Variants in SLC25A19 observed in about 807,000 individuals in gnomAD.
SLC25A19 encodes solute carrier family 25 member 19, also known as mitochondrial thiamine pyrophosphate carrier.
In SLC25A19, 18 loss-of-function variants were observed where a neutral mutation model predicts 27.9. The ratio of observed to expected loss-of-function variants is 0.64; its 90% CI spans 0.45 to 0.96. SLC25A19 has a LOEUF of 0.96. SLC25A19 is among the 40% of genes least tolerant of loss of function. SLC25A19 has a pLI of 0.00. For synonymous variants in SLC25A19, 169 were observed against 167.1 expected, an observed-to-expected ratio of 1.01 and a Z score of -0.09; for missense variants, 371 against 418.3, an observed-to-expected ratio of 0.89 and a Z score of 0.99.
intron 4 of SLC25A19, among the ~76,000 whole-genome samples, chr17:75,284,358 G>A (rs2078131001): frequency 6.6e-6 from 1 of 152,150 alleles, no homozygotes; most frequent in Non-Finnish European, 1.5e-5. Context: ...AGCTGAGATT[G>A]CGCCACTGCA....
intron 5 of SLC25A19, among the ~76,000 whole-genome samples, chr17:75,279,798 C>T (rs112397028): frequency 0.058 from 8,764 of 152,200 alleles, 315 homozygotes; most frequent in Middle Eastern, 0.13. Context: ...AGAGCCATCG[C>T]GCCCAGCCCA....
chr17:75,277,430 G>C lies in SLC25A19; in HGVS notation c.697C>G (p.Leu233Val). The change falls in exon 7 of 8, where the codon CTG becomes GTG. Residue 233 changes from leucine (L) to valine (V), a missense_variant. Coordinates refer to ENST00000416858, the MANE Select transcript of SLC25A19 (RefSeq NM_001126121.2). ...GSGAGVISKT[L>V]TYPLDLFKKR... Reference sequence around the variant, plus strand: ...TTGAAGAGGTCCAGCGGATATGTCAGGGTCTTGCTGATGACACCAGCTCCA... The same window carrying C: ...TTGAAGAGGTCCAGCGGATATGTCACGGTCTTGCTGATGACACCAGCTCCA... 1.2e-6 allele frequency: 2 copies of C among 1,614,120 alleles called. No homozygotes were observed. The highest frequency in any genetic ancestry group is 1.7e-6 in the Non-Finnish European group (2 of 1,180,020).
chr17:75,278,429 G>A (rs2077952599), intron 5 of SLC25A19, 94 bp from the exon 6 acceptor site: 1 of 1,392,774 alleles, frequency 7.2e-7, no homozygotes. Flanking sequence ...TAAAATACCA[G>A]CTACCAGGAG....
chr17:75,283,554 C>T lies in SLC25A19; in HGVS notation c.328G>A (p.Gly110Ser). The change falls in exon 5 of 8, where the codon GGC becomes AGC. Residue 110 changes from glycine to serine, a missense_variant. Transcript: ENST00000416858. ...FEMLTELVHRGSVYDAREFSV... is the reference protein window; with the variant it reads ...FEMLTELVHRSSVYDAREFSV... ...AATTCCCGGGCGTCATACACGCTGC[C>T]TCTGTGGACCAGCTCCGTCAGCATT... The T allele has an allele frequency of 1.9e-6, 3 of 1,613,734 alleles. No individual in the cohort carries two copies. The highest frequency in any genetic ancestry group is 2.5e-6 in the Non-Finnish European group (3 of 1,179,856).
intron 7 of SLC25A19, chr17:75,273,877 C>T (rs1421849192): frequency 8.9e-6 from 4 of 447,504 alleles, no homozygotes; most frequent in East Asian, 9.6e-5. Flanking sequence ...TCTCCTGCCT[C>T]AGCCTCCTGA....
intron 4 of SLC25A19, 38 bp downstream of exon 4, chr17:75,286,266 G>A (rs762104223): frequency 3.5e-5 from 57 of 1,610,088 alleles, no homozygotes; most frequent in East Asian, 1.1e-4. Context: ...ACTGAGCAAC[G>A]TGACCCCAGA....
At chr17:75,286,141 C>T (rs1011142995) in intron 4 of SLC25A19, among the ~76,000 whole-genome samples, 163 bp downstream of exon 4, 3 of 152,222 alleles carry the variant, frequency 2.0e-5, no homozygotes, top group African/African-American at 4.8e-5. Flanking sequence ...GCAATGCCTA[C>T]GGTACTGCTG....
intron 1 of SLC25A19, among the ~76,000 whole-genome samples, chr17:75,288,856 G>C (rs2145792977): frequency 6.6e-6 from 1 of 152,162 alleles, no homozygotes; most frequent in Admixed American, 6.5e-5. Context: ...GTTTAAACAC[G>C]CGGCAAGCGA....
chr17:75,281,950 C>T (rs1434141161), intron 5 of SLC25A19, among the ~76,000 whole-genome samples: 1 of 152,198 alleles, frequency 6.6e-6, no homozygotes, highest in African/African-American at 2.4e-5. Context: ...CCGAACCTCT[C>T]CCAGCTTTGC....
chr17:75,284,340 T>G (rs1438396109), intron 4 of SLC25A19, among the ~76,000 whole-genome samples: 7 of 151,988 alleles, frequency 4.6e-5, no homozygotes, highest in Non-Finnish European at 1.5e-5. Context: ...GAGGCGGAGG[T>G]TGCAGTGAGC....
intron 6 of SLC25A19, 125 bp downstream of exon 6, chr17:75,278,027 G>A (rs541248647): frequency 8.0e-6 from 8 of 1,000,428 alleles, no homozygotes; most frequent in Non-Finnish European, 1.2e-5. Context: ...CCACATTACA[G>A]AGCCAGGTAC....
chr17:75,286,227 T>C (rs2078177110), intron 4 of SLC25A19, 77 bp downstream of exon 4: 1 of 1,573,004 alleles, frequency 6.4e-7, no homozygotes, highest in Non-Finnish European at 8.7e-7. Context: ...GCGGCATTCC[T>C]GCTTGCCTCA....
chr17:75,285,073 C>T (rs1396394256), intron 4 of SLC25A19, among the ~76,000 whole-genome samples: 4 of 151,748 alleles, frequency 2.6e-5, no homozygotes, highest in African/African-American at 9.7e-5. Context: ...GCTGGGACGA[C>T]AGGTGTGTAC....
chr17:75,279,582 C>A (rs1221121847), intron 5 of SLC25A19, among the ~76,000 whole-genome samples: 1 of 147,644 alleles, frequency 6.8e-6, no homozygotes. Flanking sequence ...AATCTTGGCT[C>A]ACTGCAGCCC....
rs2078194784 is a variant in SLC25A19 at position 75,286,809 on chromosome 17, G to C, written c.-38-7C>G. The C allele has an allele frequency of 5.6e-6, 9 of 1,612,978 alleles. No individual in the cohort carries two copies. The highest frequency in any genetic ancestry group is 7.6e-6 in the Non-Finnish European group (9 of 1,179,374). The stretch of plus-strand genomic sequence containing the variant: ...AATGTCCATCAGTATCAAGCTAAAT[G>C]CAAGAGATACGGAATAAACACCAGG... On this transcript the variant is annotated splice_polypyrimidine_tract_variant and splice_region_variant and intron_variant, in intron 2 of 7. Transcript: ENST00000416858.
At chr17:75,274,145 T>G (rs2077800870) in intron 7 of SLC25A19, among the ~76,000 whole-genome samples, 1 of 152,204 alleles carries the variant, frequency 6.6e-6, no homozygotes, top group Non-Finnish European at 1.5e-5. Flanking sequence ...AATCAGAAGC[T>G]GGACAGCGCT....
At chr17:75,276,422 C>T (rs1466649905) in intron 7 of SLC25A19, among the ~76,000 whole-genome samples, 1 of 152,198 alleles carries the variant, frequency 6.6e-6, no homozygotes, top group African/African-American at 2.4e-5. Flanking sequence ...GGCTGCAATG[C>T]AGTGGTGCAA....
At position 75,286,712 on chromosome 17, in the gene SLC25A19, A is replaced by G. The variant is rs768268606; in HGVS notation, c.53T>C (p.Val18Ala). The change falls in exon 3 of 8, where the codon GTG (valine) becomes GCG (alanine). Residue 18 changes from valine (V) to alanine (A), a missense_variant. Physicochemically the swap from Val to Ala is moderately conservative, Grantham distance 64 (BLOSUM62 0). Transcript: ENST00000416858. Reference sequence around the variant, plus strand: ...TCCAGACACAGACCCAGCCACTGCCACCTGGAACTTGGTGTTATTCCTGCC... The same window carrying G: ...TCCAGACACAGACCCAGCCACTGCCGCCTGGAACTTGGTGTTATTCCTGCC... ...PDGRNNTKFQ[V>A]AVAGSVSGLV... 3 of 1,614,178 alleles carry G rather than the reference A, an allele frequency of 1.9e-6. No homozygotes were observed. The highest frequency in any genetic ancestry group is 2.5e-6 in the Non-Finnish European group (3 of 1,180,036).
In SLC25A19 at chr17:75,289,409, G is replaced by T. The variant is rs1048635327; in HGVS notation, c.-184C>A. On this transcript the variant is annotated 5_prime_UTR_variant, in exon 1 of 8. Transcript: ENST00000416858. ...CTCTCCGCTCTCTCTAGCTCCTCGC[G>T]CAGTCTTAACAGCAAAACTCTACTG... 6.6e-6 allele frequency: 1 copy of T among 152,228 alleles called. No homozygotes were observed. Among genetic ancestry groups the T allele is most frequent in the East Asian group, 1.9e-4 (1 of 5,194 alleles). 9.4% of individuals were successfully genotyped at this position (152,228 alleles called of 1,614,324 possible).
Sources: allele counts gnomAD v4.1 joint callset (sites outside exome capture counted in the v4.1 genomes callset), GRCh38; gene constraint gnomAD v4.1.1; transcripts MANE v1.5; gene names NCBI Gene and HGNC (gene_info 2026-07-23, HGNC 2026-07-21).